The following MGAT4C variants were observed in gnomAD, a reference collection of about 807,000 sequenced individuals.
MGAT4C encodes the protein MGAT4 family member C.
Under a neutral mutation model 40.1 loss-of-function variants are expected in MGAT4C, and 19 were observed. The ratio of observed to expected loss-of-function variants is 0.47; its 90% CI spans 0.33 to 0.70. The LOEUF is 0.70. Ranked by LOEUF, MGAT4C falls within the 30% of genes least tolerant of loss-of-function variation. The pLI is 0.02. For missense variants in MGAT4C, 491 were observed against 563.2 expected (o/e 0.87, Z 1.30); for synonymous variants, 181 against 187.1 (o/e 0.97, Z 0.27).
intron 3 of MGAT4C, among the ~76,000 whole-genome samples, chr12:86,342,391 A>G (rs1446220189): frequency 6.6e-6 from 1 of 151,750 alleles, no homozygotes; most frequent in Non-Finnish European, 1.5e-5. Flanking sequence ...CAACTCAGCA[A>G]CTCCCTGGAA....
At position 85,956,362 on chromosome 12, in the gene MGAT4C, C is replaced by T. The variant is rs1882793398; in HGVS notation, c.*22927G>A. ...GAAAAAACTAGGTGACTCATTTATG[C>T]TAACATGGGAATCTGATTCTCAATA... On this transcript the variant is annotated 3_prime_UTR_variant, in exon 5 of 5. Coordinates refer to ENST00000611864, the MANE Select transcript of MGAT4C (RefSeq NM_001351288.2). 2 of 152,118 alleles carry T rather than the reference C, an allele frequency of 1.3e-5. No individual in the cohort carries two copies. The highest frequency in any genetic ancestry group is 4.8e-5 in the African/African-American group (2 of 41,448). 9.4% of individuals were successfully genotyped at this position (152,118 alleles called of 1,614,324 possible). A position where few individuals can be genotyped will look rare whatever the true frequency, so the allele number is the denominator to read the frequency against.
chr12:86,125,460 C>G (rs1491001552), intron 1 of MGAT4C, among the ~76,000 whole-genome samples: 1 of 152,116 alleles, frequency 6.6e-6, no homozygotes, highest in Non-Finnish European at 1.5e-5. Flanking sequence ...GTAAAATAAC[C>G]ATTCCCATTT....
At chr12:86,607,194 A>C (rs1447204285) in intron 2 of MGAT4C, among the ~76,000 whole-genome samples, 2 of 152,082 alleles carry the variant, frequency 1.3e-5, no homozygotes, top group Admixed American at 1.3e-4. Flanking sequence ...CACTGAAATT[A>C]AAATTCCTAC....
At chr12:86,345,642 A>G (rs1210463988) in intron 3 of MGAT4C, among the ~76,000 whole-genome samples, 1 of 151,958 alleles carries the variant, frequency 6.6e-6, no homozygotes, top group Non-Finnish European at 1.5e-5. Context: ...TCCATGGTGT[A>G]TATGTGCACA....
intron 2 of MGAT4C, among the ~76,000 whole-genome samples, chr12:86,678,782 G>A (rs1305652657): frequency 3.3e-5 from 5 of 152,014 alleles, no homozygotes; most frequent in Admixed American, 1.3e-4. Flanking sequence ...TGGCTGCATA[G>A]TATTCCATGG....
intron 1 of MGAT4C, among the ~76,000 whole-genome samples, chr12:86,084,820 C>G (rs1871444185): frequency 6.6e-6 from 1 of 151,326 alleles, no homozygotes; most frequent in South Asian, 2.1e-4. Flanking sequence ...TTTGGGGTGG[C>G]TGGATTTTGT....
intron 1 of MGAT4C, among the ~76,000 whole-genome samples, chr12:86,738,216 T>A (rs1951014578): frequency 6.6e-6 from 1 of 151,510 alleles, no homozygotes; most frequent in African/African-American, 2.4e-5. Context: ...GATCTGGTTG[T>A]TCCCTTTTTC....
At chr12:86,462,977 T>TCAGTC (rs1555192347) in intron 2 of MGAT4C, among the ~76,000 whole-genome samples, 3 of 151,514 alleles carry the variant, frequency 2.0e-5, no homozygotes, top group African/African-American at 7.3e-5. Flanking sequence ...TTTCCATCCT[T>TCAGTC]CAATCAAGTT....
chr12:86,059,207 T>C (rs1893692379), intron 1 of MGAT4C, among the ~76,000 whole-genome samples: 1 of 152,036 alleles, frequency 6.6e-6, no homozygotes, highest in Non-Finnish European at 1.5e-5. Flanking sequence ...CTACCACACT[T>C]GACTAATTTT....
intron 1 of MGAT4C, among the ~76,000 whole-genome samples, chr12:86,190,967 C>T (rs1372697974): frequency 1.3e-5 from 2 of 152,018 alleles, no homozygotes; most frequent in Admixed American, 1.3e-4. Context: ...GACTGCCAGT[C>T]TGTGCTAAAT....
chr12:86,527,430 T>A (rs1410434479), intron 2 of MGAT4C, among the ~76,000 whole-genome samples: 1 of 152,216 alleles, frequency 6.6e-6, no homozygotes, highest in Non-Finnish European at 1.5e-5. Flanking sequence ...GGTAATGTAA[T>A]GCCTACAGCT....
chr12:86,153,921 T>A (rs1884607021), intron 1 of MGAT4C, among the ~76,000 whole-genome samples: 1 of 152,132 alleles, frequency 6.6e-6, no homozygotes, highest in Admixed American at 6.5e-5. Flanking sequence ...TTGTGAGCAT[T>A]TTTTTCTTTC....
At chr12:86,616,902 CTT>C (rs1962469192) in intron 2 of MGAT4C, among the ~76,000 whole-genome samples, 1 of 152,018 alleles carries the variant, frequency 6.6e-6, no homozygotes, top group Non-Finnish European at 1.5e-5. Context: ...AAGCCTTTCA[CTT>C]TTAGTCCACC....
chr12:86,347,299 A>G (rs1481637957), intron 3 of MGAT4C, among the ~76,000 whole-genome samples: 1 of 152,194 alleles, frequency 6.6e-6, no homozygotes, highest in Non-Finnish European at 1.5e-5. Context: ...GTAGTATTTC[A>G]TCACTGAATT....
chr12:86,001,090 T>G (rs1269269301), intron 2 of MGAT4C, among the ~76,000 whole-genome samples: 1 of 152,136 alleles, frequency 6.6e-6, no homozygotes, highest in Non-Finnish European at 1.5e-5. Flanking sequence ...GAATTCCCCA[T>G]CCTCCATATC....
chr12:86,826,312 T>G (rs2130177), intron 1 of MGAT4C, among the ~76,000 whole-genome samples: 96,445 of 151,118 alleles, frequency 0.64, 32,056 homozygotes, highest in Admixed American at 0.72. Flanking sequence ...GCTTAGTTTA[T>G]GTCATGAGGT....
intron 3 of MGAT4C, among the ~76,000 whole-genome samples, chr12:86,370,761 TA>T (rs1354696002): frequency 1.3e-5 from 2 of 152,030 alleles, no homozygotes; most frequent in Non-Finnish European, 2.9e-5. Flanking sequence ...AAAAGTTCAA[TA>T]TGTATGCATA....
At chr12:86,447,873 C>G (rs937970409) in intron 2 of MGAT4C, among the ~76,000 whole-genome samples, 1 of 152,198 alleles carries the variant, frequency 6.6e-6, no homozygotes, top group East Asian at 1.9e-4. Context: ...GTGTAACATT[C>G]CCTCTTACCA....
At chr12:86,753,988 A>C (rs541159363) in intron 1 of MGAT4C, among the ~76,000 whole-genome samples, 1 of 152,312 alleles carries the variant, frequency 6.6e-6, no homozygotes, top group South Asian at 2.1e-4. Flanking sequence ...CTACTCCTAA[A>C]TATTTACCTG....
Sources: gnomAD v4.1 joint callset for allele counts (sites outside exome capture counted in the v4.1 genomes callset) on GRCh38, gnomAD v4.1.1 for gene constraint, MANE v1.5 for transcripts, NCBI Gene and HGNC (gene_info 2026-07-23, HGNC 2026-07-21) for gene names.